Variants in MIPOL1 observed in about 807,000 individuals in gnomAD.
The protein encoded by MIPOL1 is mirror-image polydactyly 1.
MIPOL1 carries 57 observed loss-of-function variants against 60.9 expected under a neutral mutation model. The observed-to-expected ratio is 0.94, with a 90% confidence interval of 0.76 to 1.17. MIPOL1 has a LOEUF of 1.17. Ranked by LOEUF, MIPOL1 falls within the 50% of genes most tolerant of loss-of-function variation. The pLI is 0.00. For missense variants in MIPOL1, 551 were observed against 511.6 expected, an observed-to-expected ratio of 1.08 and a Z score of -0.74; for synonymous variants, 179 against 168.8, an observed-to-expected ratio of 1.06 and a Z score of -0.47.
chr14:37,380,999 TA>T (rs1208027838), intron 10 of MIPOL1, among the ~76,000 whole-genome samples: 1 of 152,122 alleles, frequency 6.6e-6, no homozygotes, highest in Non-Finnish European at 1.5e-5. Context: ...AAACGCTCTA[TA>T]TCGTCTATTC....
chr14:37,315,992 C>G (rs2087832696), intron 9 of MIPOL1, among the ~76,000 whole-genome samples: 2 of 149,818 alleles, frequency 1.3e-5, no homozygotes, highest in Admixed American at 6.7e-5. Flanking sequence ...TCAGGGAAGG[C>G]AAGAGGGGAA....
At chr14:37,372,231 C>A (rs1193969747) in intron 10 of MIPOL1, among the ~76,000 whole-genome samples, 1 of 151,944 alleles carries the variant, frequency 6.6e-6, no homozygotes, top group African/African-American at 2.4e-5. Context: ...AATACAATCA[C>A]AATTAATGGT....
Position 37,318,791 on chromosome 14 carries a change from T to TTTTA in MIPOL1, c.828+10305_828+10308dup, listed in dbSNP as rs149083164. Reference sequence around the variant, plus strand: ...TAGACATTCTCATAATTTTACTTCATTTTATTTATTTATTTATTTATTTAT... The same window carrying TTTTA: ...TAGACATTCTCATAATTTTACTTCATTTTATTTATTTATTTATTTATTTATTTAT... On this transcript the variant is annotated intron_variant, in intron 9 of 12. Transcript: ENST00000684589. Among the ~76,000 whole-genome samples, 140 of 149,808 alleles carry TTTTA rather than the reference T, an allele frequency of 9.3e-4. 1 individual carries two copies. The highest frequency in any genetic ancestry group is 3.3e-3 in the African/African-American group (134 of 40,228).
chr14:37,247,782 T>G, intron 2 of MIPOL1, 47 bp from the exon 3 acceptor site: 2 of 1,082,580 alleles, frequency 1.8e-6, no homozygotes, highest in South Asian at 2.8e-5. Context: ...AGGTGTGTTC[T>G]GATATATTGT....
At chr14:37,488,910 T>A (rs747204427) in intron 11 of MIPOL1, among the ~76,000 whole-genome samples, 24 of 152,188 alleles carry the variant, frequency 1.6e-4, no homozygotes, top group Non-Finnish European at 2.6e-4. Context: ...CTGATGATTA[T>A]GTGTCTTGGG....
intron 10 of MIPOL1, among the ~76,000 whole-genome samples, chr14:37,406,472 C>G (rs927477153): frequency 1.3e-5 from 2 of 152,008 alleles, no homozygotes; most frequent in Non-Finnish European, 1.5e-5. Context: ...GTTTACGACT[C>G]AAGTGTAAAG....
intron 11 of MIPOL1, among the ~76,000 whole-genome samples, chr14:37,444,403 A>C (rs565345326): frequency 1.3e-5 from 2 of 152,354 alleles, no homozygotes; most frequent in Admixed American, 6.5e-5. Flanking sequence ...AGAATTACAT[A>C]GTGTTCATAA....
chr14:37,522,656 CTG>C (rs1443676909), intron 12 of MIPOL1, among the ~76,000 whole-genome samples: 1 of 152,086 alleles, frequency 6.6e-6, no homozygotes, highest in Non-Finnish European at 1.5e-5. Context: ...TAAAAGCAAA[CTG>C]TGAATGAACA....
rs1425674420 is a variant in MIPOL1 at position 37,308,071 on chromosome 14, C to T, written c.639C>T (p.Asn213=). The T allele has an allele frequency of 3.1e-6, 5 of 1,610,778 alleles. No homozygotes were observed. Among genetic ancestry groups the T allele is most frequent in the East Asian group, 2.2e-5 (1 of 44,716 alleles). Residue 213 remains asparagine (N), a synonymous_variant, in exon 8 of 13, where the codon AAC becomes AAT. Transcript: ENST00000684589. The part of the protein sequence containing the change: ...EMSLKVLENI[N]PEENDMTLQE... The stretch of plus-strand genomic sequence containing the variant: ...TTTTTTCTAGGCTAGAAAATATTAA[C>T]CCTGAAGAAAATGACATGGTAAGCC...
At chr14:37,334,439 T>C (rs1023792523) in intron 9 of MIPOL1, among the ~76,000 whole-genome samples, 2 of 152,020 alleles carry the variant, frequency 1.3e-5, no homozygotes, top group Admixed American at 1.3e-4. Flanking sequence ...CGCAAATCAA[T>C]GGAACTGTAT....
At chr14:37,257,829 G>A (rs1233218977) in intron 3 of MIPOL1, among the ~76,000 whole-genome samples, 5 of 152,096 alleles carry the variant, frequency 3.3e-5, no homozygotes, top group East Asian at 3.8e-4. Flanking sequence ...TTTATTATTC[G>A]TGCTTGAATT....
chr14:37,398,833 C>T (rs141012229), intron 10 of MIPOL1, among the ~76,000 whole-genome samples: 119 of 152,214 alleles, frequency 7.8e-4, no homozygotes, highest in Non-Finnish European at 1.4e-3. Context: ...ATGTTATGTA[C>T]CCCAGAAAAG....
chr14:37,362,998 T>C (rs1390121976), intron 9 of MIPOL1, among the ~76,000 whole-genome samples: 1 of 152,176 alleles, frequency 6.6e-6, no homozygotes, highest in East Asian at 1.9e-4. Context: ...TTATTCTAGT[T>C]AGTTGTTCGT....
At chr14:37,354,172 G>A (rs574171934) in intron 9 of MIPOL1, among the ~76,000 whole-genome samples, 7 of 151,972 alleles carry the variant, frequency 4.6e-5, no homozygotes, top group Middle Eastern at 3.4e-3. Flanking sequence ...CTACCCAGTA[G>A]TCATTCAGGA....
intron 10 of MIPOL1, among the ~76,000 whole-genome samples, chr14:37,422,191 T>TTACC (rs1027669216): frequency 7.2e-5 from 11 of 152,006 alleles, no homozygotes; most frequent in African/African-American, 2.7e-4. Flanking sequence ...AAAAAACTGA[T>TTACC]TACCTGTTCT....
rs1319803412 is a variant in MIPOL1, at chr14:37,446,259, C to T, written c.1031+23310C>T. On this transcript the variant is annotated intron_variant, in intron 11 of 12. Transcript: ENST00000684589. ...GCAAACTACCCCATCAACAAGTGGG[C>T]GAAGGATATGAACAGACACTTCTCA... Among the ~76,000 whole-genome samples the T allele has an allele frequency of 6.6e-5, 10 of 152,068 alleles. No homozygotes were observed. In the South Asian group the frequency reaches 8.3e-4, roughly 13 times the overall value.
intron 9 of MIPOL1, among the ~76,000 whole-genome samples, chr14:37,346,328 C>G (rs1244816197): frequency 2.0e-5 from 3 of 151,866 alleles, no homozygotes; most frequent in Non-Finnish European, 2.9e-5. Flanking sequence ...GACTCCGTCT[C>G]AAAAAAATAA....
At chr14:37,213,185 A>G (rs1465300119) in intron 1 of MIPOL1, among the ~76,000 whole-genome samples, 3 of 152,134 alleles carry the variant, frequency 2.0e-5, no homozygotes, top group Non-Finnish European at 2.9e-5. Flanking sequence ...CATGTACACT[A>G]TTCAGGAAGA....
chr14:37,546,492 A>T (rs539229544), intron 12 of MIPOL1, among the ~76,000 whole-genome samples: 1 of 152,330 alleles, frequency 6.6e-6, no homozygotes, highest in South Asian at 2.1e-4. Flanking sequence ...CACTTATCTA[A>T]GTAACAGGTG....
Sources: allele counts gnomAD v4.1 joint callset (sites outside exome capture counted in the v4.1 genomes callset), GRCh38; gene constraint gnomAD v4.1.1; transcripts MANE v1.5; gene names NCBI Gene and HGNC (gene_info 2026-07-23, HGNC 2026-07-21).